Variants in RGS7 observed in about 807,000 individuals in gnomAD.
The protein encoded by RGS7 is regulator of G-protein signaling 7.
Under a neutral mutation model 81.1 loss-of-function variants are expected in RGS7, and 27 were observed. That is an observed-to-expected ratio of 0.33 (90% confidence interval 0.25 to 0.46). The LOEUF (loss-of-function observed/expected upper bound fraction) is 0.46. Ranked by LOEUF, RGS7 falls within the 20% of genes least tolerant of loss-of-function variation. RGS7 has a pLI of 1.00. For missense variants in RGS7, 396 were observed against 607.4 expected (o/e 0.65, Z 3.66); for synonymous variants, 208 against 207.7 (o/e 1.00, Z -0.01).
Position 241,009,999 on chromosome 1 carries a change from A to G in RGS7, c.176-26870T>C, listed in dbSNP as rs188674206. On this transcript the variant is annotated intron_variant, in intron 3 of 18. Coordinates refer to ENST00000440928, the MANE Select transcript of RGS7 (RefSeq NM_001364886.1). ...AGTTGAACAATGAGAACACATGGAC[A>G]CAGGGAGGGGAACATCATACACCGG... 1.7e-3 allele frequency among the ~76,000 whole-genome samples: 258 copies of G among 152,204 alleles called. 1 individual carries two copies. Among genetic ancestry groups the G allele is most frequent in the African/African-American group, 6.0e-3 (250 of 41,536 alleles).
At chr1:241,246,308 T>C (rs370458504) in intron 2 of RGS7, among the ~76,000 whole-genome samples, 2 of 152,192 alleles carry the variant, frequency 1.3e-5, no homozygotes, top group East Asian at 1.9e-4. Context: ...CTGATAAATC[T>C]ATCTGTCTTT....
intron 2 of RGS7, among the ~76,000 whole-genome samples, chr1:241,327,147 G>GAAAGA (rs879828806): frequency 5.4e-5 from 4 of 74,432 alleles, no homozygotes; most frequent in African/African-American, 1.9e-4. Flanking sequence ...AGAAAGAAAG[G>GAAAGA]AAAGAAAGAA....
At chr1:240,783,074 C>T (rs1418721574) in intron 18 of RGS7, among the ~76,000 whole-genome samples, 1 of 152,160 alleles carries the variant, frequency 6.6e-6, no homozygotes, top group Non-Finnish European at 1.5e-5. Context: ...CCTGAGACTT[C>T]AGCTGGCACG....
chr1:241,221,699 A>G (rs1248674064), intron 2 of RGS7, among the ~76,000 whole-genome samples: 1 of 152,218 alleles, frequency 6.6e-6, no homozygotes, highest in East Asian at 1.9e-4. Context: ...CAATCAGTTA[A>G]AGGCCTGTAT....
At chr1:240,924,018 A>G (rs1346507936) in intron 6 of RGS7, among the ~76,000 whole-genome samples, 1 of 152,142 alleles carries the variant, frequency 6.6e-6, no homozygotes, top group Admixed American at 6.5e-5. Context: ...TTAGTTCACC[A>G]TGTATTTGAT....
intron 9 of RGS7, among the ~76,000 whole-genome samples, chr1:240,827,707 A>G (rs1346386971): frequency 1.3e-5 from 2 of 152,092 alleles, no homozygotes; most frequent in African/African-American, 4.8e-5. Flanking sequence ...TACTAAAAAT[A>G]CAAAAAATTA....
chr1:241,134,744 A>C (rs1199786256), intron 2 of RGS7, among the ~76,000 whole-genome samples: 2 of 152,172 alleles, frequency 1.3e-5, no homozygotes, highest in African/African-American at 4.8e-5. Flanking sequence ...ATTTACCATA[A>C]CTGGAAAGGA....
chr1:241,186,081 T>A (rs559221027), intron 2 of RGS7, among the ~76,000 whole-genome samples: 1 of 152,248 alleles, frequency 6.6e-6, no homozygotes, highest in African/African-American at 2.4e-5. Context: ...CTAGCCAGAT[T>A]GACCAAGATA....
rs1689156582 is a variant in RGS7 at position 240,807,936 on chromosome 1, G to A, written c.1083-1610C>T. On this transcript the variant is annotated intron_variant, in intron 14 of 18. Transcript: ENST00000440928. The stretch of plus-strand genomic sequence containing the variant: ...CATAATCCCAGCTACTCGGGAGGCT[G>A]AGGCACGAGAATCGCTTGAACCCGG... Among the ~76,000 whole-genome samples the A allele has an allele frequency of 2.6e-5, 4 of 151,380 alleles. No individual in the cohort carries two copies. The South Asian group carries it at 8.3e-4, about 31-fold the overall frequency.
intron 6 of RGS7, among the ~76,000 whole-genome samples, chr1:240,874,906 G>T (rs1665108060): frequency 6.6e-6 from 1 of 151,970 alleles, no homozygotes; most frequent in African/African-American, 2.4e-5. Context: ...GCTGCGTGTT[G>T]TGGCGGGTGC....
intron 2 of RGS7, among the ~76,000 whole-genome samples, chr1:241,220,913 G>GGAA (rs2074853857): frequency 6.8e-6 from 1 of 146,270 alleles, no homozygotes; most frequent in East Asian, 2.0e-4. Flanking sequence ...AAGGAAGAAA[G>GGAA]GAAAGGAAGA....
At chr1:241,129,413 C>T (rs1442667131) in intron 2 of RGS7, among the ~76,000 whole-genome samples, 1 of 151,500 alleles carries the variant, frequency 6.6e-6, no homozygotes, top group East Asian at 1.9e-4. Context: ...ACTCTACATT[C>T]ATCAGCATGG....
chr1:240,979,524 G>A (rs1684623961), intron 4 of RGS7, among the ~76,000 whole-genome samples: 1 of 152,204 alleles, frequency 6.6e-6, no homozygotes, highest in African/African-American at 2.4e-5. Context: ...ATAAGGAGTA[G>A]GTTTGAGAAG....
chr1:241,179,751 C>A (rs931930802), intron 2 of RGS7, among the ~76,000 whole-genome samples: 1 of 152,162 alleles, frequency 6.6e-6, no homozygotes, highest in Admixed American at 6.5e-5. Context: ...TATAACATCA[C>A]AGCCTGTTGA....
intron 2 of RGS7, among the ~76,000 whole-genome samples, chr1:241,306,489 CATT>C (rs1323565504): frequency 6.6e-6 from 1 of 151,446 alleles, no homozygotes; most frequent in African/African-American, 2.4e-5. Context: ...CACACGCACA[CATT>C]GTTACACAAA....
chr1:241,098,614 A>C lies in RGS7; in HGVS notation c.175+52T>G, dbSNP rs180999285. 8,627 of 1,190,750 alleles carry C rather than the reference A, an allele frequency of 7.2e-3. 51 individuals carry two copies. The highest frequency in any genetic ancestry group is 8.8e-3 in the Non-Finnish European group (7,009 of 795,648). 73.8% of individuals were successfully genotyped at this position (1,190,750 alleles called of 1,614,324 possible). A position where few individuals can be genotyped will look rare whatever the true frequency, so the allele number is the denominator to read the frequency against. On this transcript the variant is annotated intron_variant, in intron 3 of 18. Transcript: ENST00000440928. ...TGAACAGCTGGAATCAGTTTTAAAG[A>C]GTTATCTAAGAGGTACAGGAGAAAA... is the stretch of plus-strand genomic sequence containing the variant.
intron 3 of RGS7, among the ~76,000 whole-genome samples, chr1:241,016,402 C>A (rs2059232444): frequency 6.6e-6 from 1 of 152,074 alleles, no homozygotes; most frequent in African/African-American, 2.4e-5. Context: ...CCTGTAGTCT[C>A]AGCTATTTGG....
At chr1:241,343,357 C>T (rs551914175) in intron 2 of RGS7, among the ~76,000 whole-genome samples, 1 of 152,218 alleles carries the variant, frequency 6.6e-6, no homozygotes, top group African/African-American at 2.4e-5. Flanking sequence ...AGACTCCACA[C>T]AGATATTTGT....
chr1:240,933,152 G>A (rs1309285689), intron 5 of RGS7, among the ~76,000 whole-genome samples: 2 of 151,634 alleles, frequency 1.3e-5, no homozygotes, highest in Non-Finnish European at 2.9e-5. Flanking sequence ...AAAGTGCTGG[G>A]ATTACAGGTG....
Sources: allele counts gnomAD v4.1 joint callset (sites outside exome capture counted in the v4.1 genomes callset), GRCh38; gene constraint gnomAD v4.1.1; transcripts MANE v1.5; gene names NCBI Gene and HGNC (gene_info 2026-07-23, HGNC 2026-07-21).